PIKFYVE: variants seen among roughly 807,000 people sequenced by gnomAD.
PIKFYVE encodes 1-phosphatidylinositol 3-phosphate 5-kinase.
Under a neutral mutation model 257.9 loss-of-function variants are expected in PIKFYVE, and 122 were observed. The observed-to-expected ratio is 0.47, with a 90% CI of 0.41 to 0.55. The LOEUF (loss-of-function observed/expected upper bound fraction) is 0.55. PIKFYVE is among the 20% of genes least tolerant of loss of function. The probability of loss-of-function intolerance (pLI) is 0.00; values close to 1 mark genes in which losing one functional copy is unlikely to be tolerated. For missense variants in PIKFYVE, 2,160 were observed against 2,536.6 expected (o/e 0.85, Z 3.19); for synonymous variants, 892 against 868.9 (o/e 1.03, Z -0.47).
Position 208,315,353 on chromosome 2 carries a change from C to T in PIKFYVE, c.1987C>T (p.Gln663Ter), listed in dbSNP as rs778292520. 6.2e-7 allele frequency: 1 copy of T among 1,614,120 alleles called. No homozygotes were observed. The highest frequency in any genetic ancestry group is 8.5e-7 in the Non-Finnish European group (1 of 1,180,000). Residue 663 changes from glutamine to a stop codon, truncating the protein, a stop_gained, in exon 15 of 42, where the codon CAG (glutamine) becomes TAG (stop). Transcript: ENST00000264380. LOFTEE classifies it high-confidence loss of function. ...KNQDDDMDIR[Q>*]FVHIKKIPGG... ...CCAGGATGATGACATGGATATCCGT[C>T]AGTTTGTCCACATCAAAAAAGTGAG...
At chr2:208,333,192 C>A (rs1559144538) in intron 23 of PIKFYVE, 123 bp from the exon 24 acceptor site, 6 of 929,098 alleles carry the variant, frequency 6.5e-6, no homozygotes, top group Non-Finnish European at 1.6e-6. Context: ...TGAGATCGAG[C>A]CACTGCACTC....
At chr2:208,333,608 C>T (rs1041109518) in intron 24 of PIKFYVE, 115 bp downstream of exon 24, 5 of 1,117,124 alleles carry the variant, frequency 4.5e-6, no homozygotes, top group Non-Finnish European at 5.2e-6. Context: ...CCCATTTATA[C>T]CCTTATAAAT....
At chr2:208,290,942 A>T (rs1307961066) in intron 7 of PIKFYVE, among the ~76,000 whole-genome samples, 1 of 152,324 alleles carries the variant, frequency 6.6e-6, no homozygotes, top group African/African-American at 2.4e-5. Context: ...CAGTCTTGTC[A>T]TCGAACAAAG....
Position 208,320,325 on chromosome 2 carries a change from C to CT in PIKFYVE, c.2157dup (p.Lys720Ter), listed in dbSNP as rs1696067026. ...ATTGAGTATCTCTACAGAGAAGAAA[C>CT]TAAGTTTACTTGCATTGATCCTATT... On this transcript the variant is annotated frameshift_variant, in exon 17 of 42. Transcript: ENST00000264380. LOFTEE classifies it high-confidence loss of function. 3 of 1,612,282 alleles carry CT rather than the reference C, an allele frequency of 1.9e-6. No homozygotes were observed. Among genetic ancestry groups the CT allele is most frequent in the Non-Finnish European group, 1.7e-6 (2 of 1,178,756 alleles).
chr2:208,302,392 G>C, intron 10 of PIKFYVE, 39 bp downstream of exon 10: 2 of 1,509,680 alleles, frequency 1.3e-6, no homozygotes, highest in Non-Finnish European at 1.8e-6. Flanking sequence ...AATGTAGCAA[G>C]CTTATTTTAT....
intron 17 of PIKFYVE, among the ~76,000 whole-genome samples, chr2:208,321,039 C>G (rs1696148011): frequency 6.6e-6 from 1 of 152,202 alleles, no homozygotes; most frequent in African/African-American, 2.4e-5. Context: ...TTACTTGAGG[C>G]AGCCTCATGC....
In PIKFYVE at chr2:208,352,736, A is replaced by T; in HGVS notation, c.5798A>T (p.Asp1933Val). Residue 1933 changes from aspartate to valine, a missense_variant, in exon 39 of 42, where the codon GAT becomes GTT. Physicochemically the swap from Asp to Val is radical, Grantham distance 152. Around this residue, in one of 12 missense-constraint regions of PIKFYVE, gnomAD observed 699 missense variants for 855.8 expected, o/e 0.82. Coordinates refer to ENST00000264380, the MANE Select transcript of PIKFYVE (RefSeq NM_015040.4). Reference protein sequence around the residue: ...NSQNNTEKKLDLLVMENLFYG... With the variant: ...NSQNNTEKKLVLLVMENLFYG... ...CAGAACAACACTGAGAAGAAGTTAG[A>T]TCTCCTTGTCATGGAAAATCTTTTC... 1 of 1,613,840 alleles carries T rather than the reference A, an allele frequency of 6.2e-7. No homozygotes were observed. Among genetic ancestry groups the T allele is most frequent in the Non-Finnish European group, 8.5e-7 (1 of 1,179,852 alleles).
intron 5 of PIKFYVE, among the ~76,000 whole-genome samples, chr2:208,284,252 A>G (rs1415972446): frequency 1.3e-5 from 2 of 149,298 alleles, no homozygotes; most frequent in Non-Finnish European, 3.0e-5. Flanking sequence ...AGAATATTTC[A>G]TTTCTATCCT....
chr2:208,338,528 T>G lies in PIKFYVE; in HGVS notation c.4632T>G (p.Ser1544=). ...TACAGATAAGTGCGATGGATGCATC[T>G]CCACGGAATATTTCTCCAGGACTTC... ...EESKISAMDA[S]PRNISPGLQN... Residue 1544 remains serine, a synonymous_variant, in exon 29 of 42, where the codon TCT becomes TCG. Coordinates refer to ENST00000264380, the MANE Select transcript of PIKFYVE (RefSeq NM_015040.4). 1 of 1,613,504 alleles carries G rather than the reference T, an allele frequency of 6.2e-7. No homozygotes were observed. Among genetic ancestry groups the G allele is most frequent in the Non-Finnish European group, 8.5e-7 (1 of 1,179,498 alleles).
chr2:208,298,061 T>C (rs960261975), intron 7 of PIKFYVE, among the ~76,000 whole-genome samples: 1 of 152,210 alleles, frequency 6.6e-6, no homozygotes, highest in Non-Finnish European at 1.5e-5. Flanking sequence ...TTTTGCTTAT[T>C]TGGGCGTCAA....
In PIKFYVE at chr2:208,304,956, CA is replaced by C; in HGVS notation, c.1580del (p.His527LeufsTer22). ...LNVELDNVNF[H>X]IKKPSKYPHV... Reference sequence around the variant, plus strand: ...CGTGGAGCTGGACAACGTGAACTTCCATATCAAGAAGCCCTCCAAGTACCCA... The same window carrying C: ...CGTGGAGCTGGACAACGTGAACTTCCTATCAAGAAGCCCTCCAAGTACCCA... On this transcript the variant is annotated frameshift_variant, in exon 12 of 42. Coordinates refer to ENST00000264380, the MANE Select transcript of PIKFYVE (RefSeq NM_015040.4). LOFTEE classifies it high-confidence loss of function. 1 of 1,614,086 alleles carries C rather than the reference CA, an allele frequency of 6.2e-7. No individual in the cohort carries two copies. The highest frequency in any genetic ancestry group is 8.5e-7 in the Non-Finnish European group (1 of 1,180,002).
At chr2:208,307,736 C>T (rs1446270578) in intron 12 of PIKFYVE, among the ~76,000 whole-genome samples, 1 of 152,094 alleles carries the variant, frequency 6.6e-6, no homozygotes, top group African/African-American at 2.4e-5. Flanking sequence ...AAAACAACCC[C>T]ATTTCCATTT....
rs139965426 is a variant in PIKFYVE at position 208,299,406 on chromosome 2, C to T, written c.1050+627C>T. 3.4e-3 allele frequency among the ~76,000 whole-genome samples: 510 copies of T among 152,052 alleles called. 3 individuals carry two copies. The highest frequency in any genetic ancestry group is 0.012 in the African/African-American group (494 of 41,484). ...CCAGGTTCCAGCGATTCTCCTGCCTCAGCCTCCTGAGTAGCTGGGACTACA... is the reference window on the plus strand; with the variant it reads ...CCAGGTTCCAGCGATTCTCCTGCCTTAGCCTCCTGAGTAGCTGGGACTACA... On this transcript the variant is annotated intron_variant, in intron 8 of 41. Transcript: ENST00000264380.
rs2124992473 is a variant in PIKFYVE, at chr2:208,271,622, C to T, written c.103C>T (p.Pro35Ser). The T allele has an allele frequency of 6.2e-7, 1 of 1,614,098 alleles. No individual in the cohort carries two copies. Among genetic ancestry groups the T allele is most frequent in the East Asian group, 2.2e-5 (1 of 44,878 alleles). The change falls in exon 2 of 42, where the codon CCT (proline) becomes TCT (serine). Residue 35 changes from proline (P) to serine (S), a missense_variant. By Grantham distance (74) the Pro-to-Ser change is moderately conservative. Coordinates refer to ENST00000264380, the MANE Select transcript of PIKFYVE (RefSeq NM_015040.4). ...TCTCACACACTTTAAACCTTTGACT[C>T]CTGATCAAGATGAGCCCCCTTTTAA... Reference protein sequence around the residue: ...SHLTHFKPLTPDQDEPPFKSA... With the variant: ...SHLTHFKPLTSDQDEPPFKSA...
At chr2:208,276,109 G>T (rs1690069266) in intron 3 of PIKFYVE, among the ~76,000 whole-genome samples, 1 of 152,188 alleles carries the variant, frequency 6.6e-6, no homozygotes, top group African/African-American at 2.4e-5. Context: ...TTTTCTGGCA[G>T]TTTTAATTTG....
chr2:208,339,373 C>T, intron 29 of PIKFYVE, 45 bp from the exon 30 acceptor site: 1 of 1,602,020 alleles, frequency 6.2e-7, no homozygotes, highest in South Asian at 1.1e-5. Context: ...TAGACATGGA[C>T]TTAATGTATG....
chr2:208,349,093 G>C (rs1417718155), intron 35 of PIKFYVE, among the ~76,000 whole-genome samples: 1 of 152,152 alleles, frequency 6.6e-6, no homozygotes, highest in Non-Finnish European at 1.5e-5. Context: ...AACCCAGGAG[G>C]TATAGGTTGC....
intron 12 of PIKFYVE, among the ~76,000 whole-genome samples, chr2:208,310,939 T>C (rs79597169): frequency 6.6e-5 from 10 of 152,190 alleles, no homozygotes; most frequent in Non-Finnish European, 1.2e-4. Flanking sequence ...GTAAATAATT[T>C]TGTGGCTATA....
rs1691853392 is a variant in PIKFYVE at position 208,288,329 on chromosome 2, C to T, written c.822-400C>T. Among the ~76,000 whole-genome samples the T allele has an allele frequency of 2.6e-5, 4 of 152,114 alleles. No individual in the cohort carries two copies. In the South Asian group the frequency reaches 6.2e-4, roughly 24 times the overall value. On this transcript the variant is annotated intron_variant, in intron 6 of 41. Coordinates refer to ENST00000264380, the MANE Select transcript of PIKFYVE (RefSeq NM_015040.4). ...TAGCTAGTAAGAGGTCGAGCCTGCA[C>T]TTGGACCTAGGTTTGTCTGACTCTA...
Sources: gnomAD v4.1 joint callset for allele counts (sites outside exome capture counted in the v4.1 genomes callset) on GRCh38, gnomAD v4.1.1 for gene constraint, gnomAD v4.1.1 regional missense constraint, MANE v1.5 for transcripts, NCBI Gene and HGNC (gene_info 2026-07-23, HGNC 2026-07-21) for gene names.